The following MSH3 variants were observed in gnomAD, a reference collection of about 807,000 sequenced individuals.
MSH3 encodes DNA mismatch repair protein Msh3.
MSH3 carries 106 observed loss-of-function variants against 123.3 expected under a neutral mutation model. That is an observed-to-expected ratio of 0.86 (90% CI 0.73 to 1.01). The LOEUF (loss-of-function observed/expected upper bound fraction) is 1.01, where lower values mean the gene tolerates loss of function less well. Ranked by LOEUF, MSH3 falls within the 50% of genes least tolerant of loss-of-function variation. The pLI is 0.00. For synonymous variants in MSH3, 515 were observed against 481.4 expected, an observed-to-expected ratio of 1.07 and a Z score of -0.91; for missense variants, 1,459 against 1,347.6, an observed-to-expected ratio of 1.08 and a Z score of -1.29.
At chr5:80,695,912 G>A (rs1288122158) in intron 8 of MSH3, among the ~76,000 whole-genome samples, 1 of 152,156 alleles carries the variant, frequency 6.6e-6, no homozygotes, top group African/African-American at 2.4e-5. Context: ...ATTATGTTGT[G>A]AGATTCTGGG....
At chr5:80,852,771 T>C (rs879604423) in intron 20 of MSH3, among the ~76,000 whole-genome samples, 4 of 152,202 alleles carry the variant, frequency 2.6e-5, no homozygotes, top group Non-Finnish European at 5.9e-5. Flanking sequence ...CTTGTTCTTA[T>C]AGGGCTTCAG....
intron 8 of MSH3, among the ~76,000 whole-genome samples, chr5:80,700,695 C>T (rs950071661): frequency 6.6e-6 from 1 of 151,914 alleles, no homozygotes; most frequent in Admixed American, 6.6e-5. Context: ...AGAACATTTG[C>T]CATGAGTTTA....
intron 21 of MSH3, among the ~76,000 whole-genome samples, chr5:80,857,676 A>G (rs544094196): frequency 1.3e-5 from 2 of 152,338 alleles, no homozygotes; most frequent in South Asian, 4.1e-4. Flanking sequence ...ATTTGTGGAC[A>G]TAGAGTTGGT....
chr5:80,776,304 A>C (rs1298470485), intron 16 of MSH3, among the ~76,000 whole-genome samples: 2 of 152,192 alleles, frequency 1.3e-5, no homozygotes, highest in Non-Finnish European at 2.9e-5. Context: ...CTTGTTTTGT[A>C]AATTATTGCT....
chr5:80,741,624 T>C, intron 11 of MSH3, 76 bp downstream of exon 11: 1 of 1,012,204 alleles, frequency 9.9e-7, no homozygotes, highest in East Asian at 2.4e-5. Context: ...AGTCTGTTTT[T>C]AGAGGTACAG....
intron 6 of MSH3, among the ~76,000 whole-genome samples, chr5:80,673,991 A>T (rs912381111): frequency 6.6e-6 from 1 of 152,196 alleles, no homozygotes; most frequent in African/African-American, 2.4e-5. Flanking sequence ...CTTATTTCTC[A>T]GCTCATCTAA....
Position 80,670,306 on chromosome 5 carries a change from A to G in MSH3, c.789A>G (p.Ala263=). 1 of 1,613,990 alleles carries G rather than the reference A, an allele frequency of 6.2e-7. No homozygotes were observed. Among genetic ancestry groups the G allele is most frequent in the South Asian group, 1.1e-5 (1 of 91,074 alleles). ...AGTATAGATTCTTTGGGGAAGATGCAGAGGTAAGTCGTCTTTTCAGGCACT... is the reference window on the plus strand; with the variant it reads ...AGTATAGATTCTTTGGGGAAGATGCGGAGGTAAGTCGTCTTTTCAGGCACT... ...GYKYRFFGED[A]EIAARELNIY... is the part of the protein sequence containing the mutation. The change falls in exon 4 of 24, where the codon GCA becomes GCG. Residue 263 remains alanine, a synonymous_variant. Transcript: ENST00000265081.
chr5:80,776,782 C>A (rs561850892), intron 16 of MSH3, among the ~76,000 whole-genome samples: 1 of 150,588 alleles, frequency 6.6e-6, no homozygotes, highest in Non-Finnish European at 1.5e-5. Flanking sequence ...GAAGAGGGAC[C>A]GTAGCTGGTA....
chr5:80,828,832 A>C (rs1449155469), intron 20 of MSH3, among the ~76,000 whole-genome samples: 1 of 152,174 alleles, frequency 6.6e-6, no homozygotes, highest in African/African-American at 2.4e-5. Flanking sequence ...CACCAGTGTG[A>C]GGATTGGATC....
intron 3 of MSH3, among the ~76,000 whole-genome samples, chr5:80,668,668 C>A (rs183772955): frequency 1.3e-5 from 2 of 152,284 alleles, no homozygotes; most frequent in East Asian, 3.9e-4. Flanking sequence ...TACTTCTGAG[C>A]CTGCAGAGGG....
intron 13 of MSH3, among the ~76,000 whole-genome samples, chr5:80,767,425 C>A (rs1744141795): frequency 6.6e-6 from 1 of 152,070 alleles, no homozygotes; most frequent in South Asian, 2.1e-4. Flanking sequence ...GTGAAAAATG[C>A]TATCCTATAT....
Position 80,819,472 on chromosome 5 carries a change from A to G in MSH3, c.2813+5731A>G, listed in dbSNP as rs201035703. ...TGTGTGTGTGTGTGTGTGTGTATATATATATATAATTTTTTTTTTTTTTGA... is the reference window on the plus strand; with the variant it reads ...TGTGTGTGTGTGTGTGTGTGTATATGTATATATAATTTTTTTTTTTTTTGA... On this transcript the variant is annotated intron_variant, in intron 20 of 23. Transcript: ENST00000265081. Among the ~76,000 whole-genome samples the G allele has an allele frequency of 2.7e-3, 251 of 92,960 alleles. 1 individual carries two copies. Among genetic ancestry groups the G allele is most frequent in the East Asian group, 9.5e-3 (22 of 2,318 alleles). The allele number at this position is 92,960 out of a possible 152,430, so 61.0% of individuals were successfully genotyped here. A position where few individuals can be genotyped will look rare whatever the true frequency, so the allele number is the denominator to read the frequency against.
At position 80,732,612 on chromosome 5, in the gene MSH3, C is replaced by T. The variant is rs143102865; in HGVS notation, c.1568+3647C>T. Among the ~76,000 whole-genome samples, 525 of 152,140 alleles carry T rather than the reference C, an allele frequency of 3.5e-3. 2 individuals are homozygous for T. Among genetic ancestry groups the T allele is most frequent in the Middle Eastern group, 0.027 (8 of 294 alleles). On this transcript the variant is annotated intron_variant, in intron 10 of 23. Coordinates refer to ENST00000265081, the MANE Select transcript of MSH3 (RefSeq NM_002439.5). ...TATTACAGGAAAAGAAACTACAGACCAGTATCTTTTGATTATAGGCACAAA... is the reference window on the plus strand; with the variant it reads ...TATTACAGGAAAAGAAACTACAGACTAGTATCTTTTGATTATAGGCACAAA...
intron 22 of MSH3, 112 bp downstream of exon 22, chr5:80,865,054 C>A: frequency 1.9e-6 from 2 of 1,074,004 alleles, no homozygotes; most frequent in Non-Finnish European, 1.4e-6. Context: ...TGAATGTGAG[C>A]TATAAATAAC....
chr5:80,672,973 T>TCC lies in MSH3; in HGVS notation c.1027+115_1027+116insCC, dbSNP rs1179095464. 38 of 810,672 alleles carry TCC rather than the reference T, an allele frequency of 4.7e-5. No homozygotes were observed. In the East Asian group the frequency reaches 9.1e-4, roughly 19 times the overall value. The allele number at this position is 810,672 out of a possible 1,614,324, so 50.2% of individuals were successfully genotyped here. On this transcript the variant is annotated intron_variant, in intron 6 of 23. Transcript: ENST00000265081. ...CTCTTTGGGAACTTTTTAGATGAGC[T>TCC]GAGAGGCATTAAGGTGAACCCTTGA... is the stretch of plus-strand genomic sequence containing the variant.
At chr5:80,826,512 A>G (rs370045632) in intron 20 of MSH3, among the ~76,000 whole-genome samples, 5 of 151,834 alleles carry the variant, frequency 3.3e-5, no homozygotes, top group African/African-American at 1.2e-4. Context: ...GAAGAAGTAA[A>G]TGGATGAAAC....
chr5:80,661,643 C>T (rs1490099666), intron 2 of MSH3, among the ~76,000 whole-genome samples: 1 of 152,014 alleles, frequency 6.6e-6, no homozygotes, highest in Non-Finnish European at 1.5e-5. Context: ...TTTTCTTGTT[C>T]TTATATGCTA....
At chr5:80,692,678 A>G (rs1408699515) in intron 8 of MSH3, among the ~76,000 whole-genome samples, 1 of 139,388 alleles carries the variant, frequency 7.2e-6, no homozygotes, top group Non-Finnish European at 1.6e-5. Flanking sequence ...GTATATGTTT[A>G]TGTTTATATA....
intron 8 of MSH3, among the ~76,000 whole-genome samples, chr5:80,688,925 A>G (rs1278276896): frequency 3.3e-5 from 5 of 152,192 alleles, no homozygotes; most frequent in Admixed American, 6.5e-5. Flanking sequence ...CTGTGGGTTC[A>G]TATGAAGTCA....
Sources: gnomAD v4.1 joint callset for allele counts (sites outside exome capture counted in the v4.1 genomes callset) on GRCh38, gnomAD v4.1.1 for gene constraint, MANE v1.5 for transcripts, NCBI Gene and HGNC (gene_info 2026-07-23, HGNC 2026-07-21) for gene names.